TMEM41A: variants seen among roughly 807,000 people sequenced by gnomAD.
The protein encoded by TMEM41A is transmembrane protein 41A.
Under a neutral mutation model 25.7 loss-of-function variants are expected in TMEM41A, and 20 were observed. The ratio of observed to expected loss-of-function variants is 0.78; its 90% CI spans 0.55 to 1.13. The LOEUF is 1.13. TMEM41A is among the 50% of genes most tolerant of loss of function. The pLI is 0.00. For missense variants in TMEM41A, 299 were observed against 314.3 expected, an observed-to-expected ratio of 0.95 and a Z score of 0.37; for synonymous variants, 133 against 139.6, an observed-to-expected ratio of 0.95 and a Z score of 0.33.
chr3:185,493,247 A>G (rs1238023883), intron 4 of TMEM41A: 1 of 152,250 alleles, frequency 6.6e-6, no homozygotes, highest in Non-Finnish European at 1.5e-5. Context: ...ACACTGCTCT[A>G]GTCCCAGCCC....
chr3:185,496,630 C>G, intron 2 of TMEM41A, 198 bp downstream of exon 2: 1 of 652,164 alleles, frequency 1.5e-6, no homozygotes, highest in Non-Finnish European at 2.7e-6. Flanking sequence ...GAGAGGGAAG[C>G]AGTACAAAAG....
intron 2 of TMEM41A, chr3:185,496,055 G>A (rs1042372655): frequency 6.5e-6 from 1 of 154,064 alleles, no homozygotes; most frequent in Admixed American, 6.5e-5. Flanking sequence ...TATGCAGTAT[G>A]TTAATACCGG....
intron 1 of TMEM41A, 152 bp downstream of exon 1, chr3:185,498,691 G>T: frequency 1.6e-6 from 1 of 639,374 alleles, no homozygotes. Flanking sequence ...ACGCGGGCCC[G>T]GATACCAGAC....
rs1718902639 is a variant in TMEM41A, at chr3:185,490,158, G to A, written c.*1379C>T. The A allele has an allele frequency of 6.6e-6, 1 of 152,150 alleles. No individual in the cohort carries two copies. The highest frequency in any genetic ancestry group is 1.5e-5 in the Non-Finnish European group (1 of 68,060). 9.4% of individuals were successfully genotyped at this position (152,150 alleles called of 1,614,324 possible). On this transcript the variant is annotated 3_prime_UTR_variant, in exon 5 of 5. Coordinates refer to ENST00000421852, the MANE Select transcript of TMEM41A (RefSeq NM_080652.4). ...TTCTGTCTTTGGAAGCATTAATCCAGGTCTGTAACAATTCTGTACTGCAGC... is the reference window on the plus strand; with the variant it reads ...TTCTGTCTTTGGAAGCATTAATCCAAGTCTGTAACAATTCTGTACTGCAGC...
intron 3 of TMEM41A, 190 bp from the exon 4 acceptor site, chr3:185,494,951 G>T: frequency 1.1e-6 from 1 of 952,206 alleles, no homozygotes; most frequent in Non-Finnish European, 1.5e-6. Flanking sequence ...TCAAGAACTT[G>T]CCCAAAGTCA....
intron 3 of TMEM41A, 142 bp from the exon 4 acceptor site, chr3:185,494,903 T>C (rs1376719750): frequency 3.8e-5 from 43 of 1,135,590 alleles, no homozygotes; most frequent in Non-Finnish European, 5.3e-5. Flanking sequence ...AAGACTGTTT[T>C]CCTCATTTTA....
chr3:185,496,445 C>G lies in TMEM41A; in HGVS notation c.273+383G>C, dbSNP rs1313491206. ...CTGGCTCTCTGCCCTGAAGAGGGAT[C>G]AGTTCAAGACAGAAGACAGACACAG... On this transcript the variant is annotated intron_variant, in intron 2 of 4. Transcript: ENST00000421852. 1.1e-5 allele frequency: 3 copies of G among 263,090 alleles called. No individual in the cohort carries two copies. In the East Asian group the frequency reaches 2.5e-4, roughly 22 times the overall value. 16.3% of individuals were successfully genotyped at this position (263,090 alleles called of 1,614,324 possible).
At chr3:185,496,803 G>C in intron 2 of TMEM41A, 25 bp downstream of exon 2, 1 of 1,595,076 alleles carries the variant, frequency 6.3e-7, no homozygotes, top group Non-Finnish European at 8.5e-7. Flanking sequence ...AGGAAACAGG[G>C]TTGGAGGGAG....
chr3:185,497,548 AT>A, intron 1 of TMEM41A, among the ~76,000 whole-genome samples: 1 of 152,364 alleles, frequency 6.6e-6, no homozygotes, highest in East Asian at 1.9e-4. Context: ...TTTTTTGATA[AT>A]ATGTCAGGCT....
chr3:185,497,382 C>T (rs1326944634), intron 1 of TMEM41A, among the ~76,000 whole-genome samples: 1 of 152,166 alleles, frequency 6.6e-6, no homozygotes, highest in Non-Finnish European at 1.5e-5. Flanking sequence ...CTCAAATTGC[C>T]TTCCTTTCAA....
chr3:185,496,319 C>T (rs1156639320), intron 2 of TMEM41A: 1 of 207,232 alleles, frequency 4.8e-6, no homozygotes, highest in Non-Finnish European at 1.0e-5. Flanking sequence ...CATCCTTGCC[C>T]CATTCTACAG....
In TMEM41A at chr3:185,498,833, C is replaced by T; in HGVS notation, c.119+10G>A. The T allele has an allele frequency of 1.3e-6, 2 of 1,573,860 alleles. No individual in the cohort carries two copies. Among genetic ancestry groups the T allele is most frequent in the African/African-American group, 1.4e-5 (1 of 71,980 alleles). On this transcript the variant is annotated intron_variant, in intron 1 of 4. Coordinates refer to ENST00000421852, the MANE Select transcript of TMEM41A (RefSeq NM_080652.4). ...TTCCTCTGACCCGAACCCGGATTCC[C>T]GCCACGCACCTGCCTCCAGCCTCCT...
At chr3:185,494,864 T>C in intron 3 of TMEM41A, 103 bp from the exon 4 acceptor site, 1 of 1,334,086 alleles carries the variant, frequency 7.5e-7, no homozygotes. Flanking sequence ...CATAATCTGT[T>C]CCCAATTCTT....
At chr3:185,497,582 CCTA>C (rs1292815259) in intron 1 of TMEM41A, among the ~76,000 whole-genome samples, 1 of 152,314 alleles carries the variant, frequency 6.6e-6, no homozygotes, top group Non-Finnish European at 1.5e-5. Flanking sequence ...TTTCAAAGAG[CCTA>C]CTATTTAACT....
chr3:185,497,001 G>A lies in TMEM41A; in HGVS notation c.120-20C>T. 1 of 1,582,618 alleles carries A rather than the reference G, an allele frequency of 6.3e-7. No individual in the cohort carries two copies. The highest frequency in any genetic ancestry group is 1.2e-5 in the South Asian group (1 of 86,800). On this transcript the variant is annotated intron_variant, in intron 1 of 4. Transcript: ENST00000421852. Reference sequence around the variant, plus strand: ...AGCGACCTGGGGATTTGGAAAAGCAGATGGAAACATGAGTTCAGATCAGTC... The same window carrying A: ...AGCGACCTGGGGATTTGGAAAAGCAAATGGAAACATGAGTTCAGATCAGTC...
chr3:185,489,797 CCA>C lies in TMEM41A; in HGVS notation c.*1738_*1739del, dbSNP rs1274725514. 3 of 152,166 alleles carry C rather than the reference CCA, an allele frequency of 2.0e-5. No homozygotes were observed. The highest frequency in any genetic ancestry group is 7.2e-5 in the African/African-American group (3 of 41,426). The allele number at this position is 152,166 out of a possible 1,614,324, so 9.4% of individuals were successfully genotyped here. A position where few individuals can be genotyped will look rare whatever the true frequency, so the allele number is the denominator to read the frequency against. ...TCCCCCTACTCCAGAACACCAAAGG[CCA>C]CAGTCTTCAAAGTCTGCTGCCTCCT... On this transcript the variant is annotated 3_prime_UTR_variant, in exon 5 of 5. Transcript: ENST00000421852.
At chr3:185,497,070 G>A in intron 1 of TMEM41A, 89 bp from the exon 2 acceptor site, 1 of 1,460,820 alleles carries the variant, frequency 6.8e-7, no homozygotes, top group Non-Finnish European at 9.2e-7. Context: ...TTTCAGAGTA[G>A]GTTTATAAAT....
intron 1 of TMEM41A, 139 bp downstream of exon 1, chr3:185,498,704 G>T: frequency 1.5e-6 from 1 of 674,046 alleles, no homozygotes; most frequent in Non-Finnish European, 2.5e-6. Flanking sequence ...TACCAGACCC[G>T]GATTCCAGTC....
chr3:185,495,100 T>C, intron 3 of TMEM41A, 54 bp downstream of exon 3: 1 of 1,597,292 alleles, frequency 6.3e-7, no homozygotes, highest in Non-Finnish European at 8.5e-7. Flanking sequence ...CTCAAGGCCA[T>C]GCACGTAGCG....
Sources: gnomAD v4.1 joint callset for allele counts (sites outside exome capture counted in the v4.1 genomes callset) on GRCh38, gnomAD v4.1.1 for gene constraint, MANE v1.5 for transcripts, NCBI Gene and HGNC (gene_info 2026-07-23, HGNC 2026-07-21) for gene names.